ZFYVE9: variants seen among roughly 807,000 people sequenced by gnomAD.
ZFYVE9 encodes the protein zinc finger FYVE-type containing 9.
Under a neutral mutation model 126.7 loss-of-function variants are expected in ZFYVE9, and 43 were observed. The ratio of observed to expected loss-of-function variants is 0.34; its 90% CI spans 0.27 to 0.44. The LOEUF is 0.44. ZFYVE9 is among the 20% of genes least tolerant of loss of function. ZFYVE9 has a pLI of 1.00. For missense variants in ZFYVE9, 1,476 were observed against 1,697.0 expected (o/e 0.87, Z 2.29); for synonymous variants, 521 against 597.4 (o/e 0.87, Z 1.87).
intron 10 of ZFYVE9, among the ~76,000 whole-genome samples, chr1:52,285,184 A>G (rs980591394): frequency 1.3e-5 from 2 of 152,198 alleles, no homozygotes; most frequent in African/African-American, 4.8e-5. Context: ...ACCATTAATA[A>G]TATATCAGTT....
chr1:52,335,937 C>T (rs2147872726), intron 15 of ZFYVE9, among the ~76,000 whole-genome samples: 1 of 152,136 alleles, frequency 6.6e-6, no homozygotes, highest in East Asian at 1.9e-4. Context: ...AGTTGGAGAC[C>T]AGCCTGGCCG....
In ZFYVE9 at chr1:52,268,510, T is replaced by C. The variant is rs765080534; in HGVS notation, c.2503T>C (p.Leu835=). 4 of 1,614,208 alleles carry C rather than the reference T, an allele frequency of 2.5e-6. No individual in the cohort carries two copies. In the South Asian group the frequency reaches 3.3e-5, roughly 13 times the overall value. The change falls in exon 7 of 19, where the codon TTG becomes CTG. Residue 835 remains leucine, a synonymous_variant. Coordinates refer to ENST00000287727, the MANE Select transcript of ZFYVE9 (RefSeq NM_004799.4). ...QRRVWFADGI[L]PNGEVADAAK... ...GCGAGTTTGGTTTGCTGATGGGATC[T>C]TGCCCAATGGAGAAGTTGCTGATGC...
intron 1 of ZFYVE9, among the ~76,000 whole-genome samples, chr1:52,164,341 G>A (rs911987346): frequency 1.3e-5 from 2 of 152,042 alleles, no homozygotes; most frequent in African/African-American, 4.8e-5. Context: ...AGCTTCTTGA[G>A]TAGTTGGGAT....
In ZFYVE9 at chr1:52,268,752, G is replaced by T; in HGVS notation, c.2625+120G>T. On this transcript the variant is annotated intron_variant, in intron 7 of 18. Transcript: ENST00000287727. ...TTTGGATACAACTTAGTGTATACGT[G>T]CACATATATGGATAAAGTAAATGTG... 3 of 1,176,644 alleles carry T rather than the reference G, an allele frequency of 2.5e-6. No homozygotes were observed. The South Asian group carries it at 5.1e-5, about 20-fold the overall frequency. The allele number at this position is 1,176,644 out of a possible 1,614,324, so 72.9% of individuals were successfully genotyped here.
chr1:52,178,002 G>C (rs1307849296), intron 1 of ZFYVE9, among the ~76,000 whole-genome samples: 1 of 150,492 alleles, frequency 6.6e-6, no homozygotes, highest in African/African-American at 2.4e-5. Flanking sequence ...ATAATAGGCC[G>C]GGCACAGTGG....
At chr1:52,282,207 A>G (rs1178945743) in intron 10 of ZFYVE9, among the ~76,000 whole-genome samples, 1 of 152,252 alleles carries the variant, frequency 6.6e-6, no homozygotes, top group Non-Finnish European at 1.5e-5. Context: ...AAAAACAATT[A>G]GCATACATGA....
Position 52,238,802 on chromosome 1 carries a change from T to A in ZFYVE9, c.1385T>A (p.Phe462Tyr), listed in dbSNP as rs747056667. Residue 462 changes from phenylalanine (F) to tyrosine (Y), a missense_variant, in exon 4 of 19, where the codon TTC (phenylalanine) becomes TAC (tyrosine). This residue lies in a region of ZFYVE9 where 807 missense variants were observed against 794.6 expected (regional missense o/e 1.02). Transcript: ENST00000287727. ...ATTAGTGAAAGTGAAGAATGTGATT[T>A]CTCCACTGTTATAGACACACCAGCA... is the stretch of plus-strand genomic sequence containing the variant. The part of the protein sequence containing the change: ...TCISESEECD[F>Y]STVIDTPAAN... 6.8e-6 allele frequency: 11 copies of A among 1,613,998 alleles called. No individual in the cohort carries two copies. The highest frequency in any genetic ancestry group is 9.3e-6 in the Non-Finnish European group (11 of 1,179,984).
chr1:52,279,009 G>T (rs112876669), intron 9 of ZFYVE9, among the ~76,000 whole-genome samples: 3,680 of 152,086 alleles, frequency 0.024, 165 homozygotes, highest in African/African-American at 0.086. Flanking sequence ...TAAGTGCTGG[G>T]ATTACAGGCA....
At chr1:52,143,100 C>G (rs1418092424) in intron 1 of ZFYVE9, among the ~76,000 whole-genome samples, 1 of 152,180 alleles carries the variant, frequency 6.6e-6, no homozygotes, top group Non-Finnish European at 1.5e-5. Flanking sequence ...TAAACACTCA[C>G]AGTTATAAAA....
intron 1 of ZFYVE9, among the ~76,000 whole-genome samples, chr1:52,179,262 G>C (rs571169293): frequency 2.2e-4 from 33 of 152,318 alleles, no homozygotes; most frequent in Non-Finnish European, 4.0e-4. Flanking sequence ...AAGCCACAAG[G>C]GTGAATGAGA....
At chr1:52,260,810 C>G (rs1162505029) in intron 4 of ZFYVE9, among the ~76,000 whole-genome samples, 1 of 152,060 alleles carries the variant, frequency 6.6e-6, no homozygotes, top group Admixed American at 6.6e-5. Flanking sequence ...GAGCAAGACT[C>G]TAGCTCAAAG....
chr1:52,263,707 G>A, intron 4 of ZFYVE9, 66 bp from the exon 5 acceptor site: 1 of 811,322 alleles, frequency 1.2e-6, no homozygotes, highest in Non-Finnish European at 2.0e-6. Context: ...GTCAATATTG[G>A]TTCACTCTCT....
chr1:52,293,707 A>T, intron 11 of ZFYVE9, 30 bp downstream of exon 11: 1 of 1,580,452 alleles, frequency 6.3e-7, no homozygotes, highest in Non-Finnish European at 8.7e-7. Flanking sequence ...TTTTCAAGGC[A>T]TGATGACTAA....
At chr1:52,222,235 A>G (rs1645130065) in intron 2 of ZFYVE9, among the ~76,000 whole-genome samples, 1 of 152,138 alleles carries the variant, frequency 6.6e-6, no homozygotes, top group Admixed American at 6.5e-5. Context: ...GCAGGGAGAA[A>G]TTTTCTAGAA....
intron 1 of ZFYVE9, among the ~76,000 whole-genome samples, chr1:52,183,046 G>C (rs955185482): frequency 1.3e-5 from 2 of 152,154 alleles, no homozygotes; most frequent in African/African-American, 4.8e-5. Flanking sequence ...AGTAAGAATT[G>C]AAAGTAAGTA....
At chr1:52,169,562 T>G (rs1466993083) in intron 1 of ZFYVE9, among the ~76,000 whole-genome samples, 1 of 152,226 alleles carries the variant, frequency 6.6e-6, no homozygotes, top group Non-Finnish European at 1.5e-5. Context: ...TTTGCCTGTT[T>G]ACTTGCTGTT....
chr1:52,185,299 GAAAA>G (rs1644755001), intron 1 of ZFYVE9, among the ~76,000 whole-genome samples: 1 of 151,868 alleles, frequency 6.6e-6, no homozygotes, highest in Non-Finnish European at 1.5e-5. Context: ...TTTAAGAAGA[GAAAA>G]AAACAGGTAG....
intron 1 of ZFYVE9, among the ~76,000 whole-genome samples, chr1:52,205,897 T>A (rs1644974016): frequency 6.6e-6 from 1 of 152,172 alleles, no homozygotes; most frequent in Admixed American, 6.5e-5. Context: ...GACCCATCCC[T>A]CTTTCCATGA....
rs993696280 is a variant in ZFYVE9 at position 52,216,246 on chromosome 1, G to A, written c.-142-123G>A. On this transcript the variant is annotated intron_variant, in intron 1 of 18. Transcript: ENST00000287727. Reference sequence around the variant, plus strand: ...GCAAGCCAGGTCTTTGAATCCAAAGGTATAATTTTATCTACTGTTTCAGCC... The same window carrying A: ...GCAAGCCAGGTCTTTGAATCCAAAGATATAATTTTATCTACTGTTTCAGCC... 35 of 395,772 alleles carry A rather than the reference G, an allele frequency of 8.8e-5. 1 individual carries two copies. Among genetic ancestry groups the A allele is most frequent in the Admixed American group, 8.8e-5 (2 of 22,662 alleles). The allele number at this position is 395,772 out of a possible 1,614,324, so 24.5% of individuals were successfully genotyped here.
Sources: gnomAD v4.1 joint callset for allele counts (sites outside exome capture counted in the v4.1 genomes callset) on GRCh38, gnomAD v4.1.1 for gene constraint, gnomAD v4.1.1 regional missense constraint, MANE v1.5 for transcripts, NCBI Gene and HGNC (gene_info 2026-07-23, HGNC 2026-07-21) for gene names.